The following ARL10 variants were observed in gnomAD, a reference collection of about 807,000 sequenced individuals.
ARL10 encodes the protein ADP-ribosylation factor-like protein 10.
A neutral mutation model predicts 26.1 loss-of-function variants in ARL10; 23 were observed. That is an observed-to-expected ratio of 0.88 (90% CI 0.63 to 1.25). The LOEUF is 1.25. Among genes scored for constraint, ARL10 ranks in the 50% most tolerant of loss-of-function variants. The pLI, the probability that ARL10 is intolerant of heterozygous loss-of-function variation, is 0.00. For missense variants in ARL10, 300 were observed against 323.6 expected (o/e 0.93, Z 0.56); for synonymous variants, 138 against 149.1 (o/e 0.93, Z 0.54).
chr5:176,366,771 G>C (rs1283126527), intron 2 of ARL10, among the ~76,000 whole-genome samples, 190 bp downstream of exon 2: 1 of 152,080 alleles, frequency 6.6e-6, no homozygotes, highest in Non-Finnish European at 1.5e-5. Flanking sequence ...CTTCGTGATC[G>C]GGCCTCTCCA....
At position 176,395,997 on chromosome 5, in the gene ARL10, C is replaced by T. The variant is rs141512370; in HGVS notation, c.134-5744C>T. ...TAAAAATACAAAAGTTAGCCGGGCA[C>T]GGTTGCATGTGCCTATAATCTCAGC... On this transcript the variant is annotated intron_variant, in intron 1 of 1. Coordinates refer to the ARL10 transcript ENST00000514533. Among the ~76,000 whole-genome samples the T allele has an allele frequency of 6.0e-3, 911 of 152,108 alleles. 12 individuals carry two copies. The highest frequency in any genetic ancestry group is 0.02 in the African/African-American group (827 of 41,466).
Position 176,368,134 on chromosome 5 carries a change from C to A in ARL10, c.386-673C>A. 2 of 462,014 alleles carry A rather than the reference C, an allele frequency of 4.3e-6. No individual in the cohort carries two copies. Among genetic ancestry groups the A allele is most frequent in the South Asian group, 1.6e-5 (1 of 63,312 alleles). 28.6% of individuals were successfully genotyped at this position (462,014 alleles called of 1,614,324 possible). On this transcript the variant is annotated intron_variant, in intron 2 of 3. Transcript: ENST00000310389. This position sits in a 1 kb window ranked among gnomAD's most constrained non-coding sequence, Gnocchi z 4.1. ...CTAGGGTGCGGGGTGACCAATGGGA[C>A]TGTGCAGAGGAGCAGAGAGGAAAAG...
At position 176,388,299 on chromosome 5, in the gene ARL10, T is replaced by C. The variant is rs201019782; in HGVS notation, c.41T>C (p.Leu14Pro). The change falls in exon 2 of 2, where the codon CTG (leucine) becomes CCG (proline). Residue 14 changes from leucine to proline, a missense_variant. Leu to Pro is a moderately conservative substitution (Grantham distance 98). Transcript: ENST00000503175. ...AGCCAACCCCATCTCGGCCAGGTTC[T>C]GCCGTACCGATTTAGCGTGGTCCCA... The C allele has an allele frequency of 5.9e-4, 959 of 1,614,202 alleles. 1 individual carries two copies. Among genetic ancestry groups the C allele is most frequent in the South Asian group, 1.1e-3 (96 of 91,088 alleles).
chr5:176,390,565 G>C (rs1310546375), downstream of ARL10, among the ~76,000 whole-genome samples: 1 of 152,198 alleles, frequency 6.6e-6, no homozygotes, highest in Admixed American at 6.5e-5. Context: ...GAGTAGCTGG[G>C]ATTACAGGTG....
At chr5:176,410,306 G>A in the ARL10 span, 1 of 1,613,494 alleles carries the variant, frequency 6.2e-7, no homozygotes, top group South Asian at 1.1e-5. Context: ...AGAACCAGCT[G>A]GAAAGAGAAC....
Position 176,373,316 on chromosome 5 carries a change from C to G in ARL10, c.*1421C>G. The G allele has an allele frequency of 2.9e-6, 1 of 341,250 alleles. No homozygotes were observed. The allele number at this position is 341,250 out of a possible 1,614,324, so 21.1% of individuals were successfully genotyped here. Reference sequence around the variant, plus strand: ...CATTCCATAGTTCTCCAGTGCTTGGCGATCAGCCCAATTGAAGGACTGGCT... The same window carrying G: ...CATTCCATAGTTCTCCAGTGCTTGGGGATCAGCCCAATTGAAGGACTGGCT... On this transcript the variant is annotated 3_prime_UTR_variant, in exon 4 of 4. Coordinates refer to ENST00000310389, the MANE Select transcript of ARL10 (RefSeq NM_173664.6).
chr5:176,371,587 GGGGATA>G, intron 3 of ARL10, 129 bp from the exon 4 acceptor site: 1 of 592,552 alleles, frequency 1.7e-6, no homozygotes, highest in Non-Finnish European at 3.0e-6. Flanking sequence ...TGATATTCCC[GGGGATA>G]GCCTAAGAAC....
downstream of ARL10, among the ~76,000 whole-genome samples, chr5:176,392,109 G>A (rs140322953): frequency 1.8e-4 from 27 of 152,312 alleles, no homozygotes; most frequent in African/African-American, 6.0e-4. The surrounding 1 kb of genome is among the most constrained non-coding windows in gnomAD (Gnocchi z 5.2). Context: ...CCCTAAGGAG[G>A]GGAGTCTCAT....
chr5:176,386,477 G>A (rs540208656), downstream of ARL10: 176 of 357,342 alleles, frequency 4.9e-4, no homozygotes, highest in Middle Eastern at 3.0e-3. Flanking sequence ...ACATAAAATC[G>A]ATTTTGTCAT....
At position 176,372,050 on chromosome 5, in the gene ARL10, A is replaced by G. The variant is rs925981122; in HGVS notation, c.*155A>G. On this transcript the variant is annotated 3_prime_UTR_variant, in exon 4 of 4. Coordinates refer to ENST00000310389, the MANE Select transcript of ARL10 (RefSeq NM_173664.6). ...GAGCAGGGCCTGGGCAAGGCCAAGA[A>G]CCATGCAGAAGCCTTCCTGGTGAGG... The G allele has an allele frequency of 1.4e-6, 2 of 1,441,530 alleles. No individual in the cohort carries two copies. The highest frequency in any genetic ancestry group is 5.0e-5 in the East Asian group (2 of 39,988). 89.3% of individuals were successfully genotyped at this position (1,441,530 alleles called of 1,614,324 possible). A position where few individuals can be genotyped will look rare whatever the true frequency, so the allele number is the denominator to read the frequency against.
chr5:176,414,615 G>GT, the ARL10 span, among the ~76,000 whole-genome samples: 1 of 151,956 alleles, frequency 6.6e-6, no homozygotes, highest in Non-Finnish European at 1.5e-5. Context: ...GCTAATTTTT[G>GT]TATGTTTTGT....
the ARL10 span, among the ~76,000 whole-genome samples, chr5:176,407,784 A>G: frequency 3.3e-5 from 5 of 152,310 alleles, no homozygotes; most frequent in East Asian, 9.6e-4. Flanking sequence ...CTCGGGCCCA[A>G]CTAGACATGA....
chr5:176,396,685 G>A (rs1313477986), intron 1 of ARL10, among the ~76,000 whole-genome samples: 1 of 152,090 alleles, frequency 6.6e-6, no homozygotes, highest in Non-Finnish European at 1.5e-5. Flanking sequence ...GCTCAGCAAC[G>A]ACCCACAGCC....
Position 176,368,629 on chromosome 5 carries a change from G to C in ARL10, c.386-178G>C, listed in dbSNP as rs575433632. On this transcript the variant is annotated intron_variant, in intron 2 of 3. Transcript: ENST00000310389. This position sits in a 1 kb window ranked among gnomAD's most constrained non-coding sequence, Gnocchi z 4.1. ...AAACTGCGGTCTTTTCCTTGCCCCC[G>C]GCTGGTGGAAGCTCACTAAGCTAGA... 6.6e-6 allele frequency among the ~76,000 whole-genome samples: 1 copy of C among 151,456 alleles called. No individual in the cohort carries two copies. Among genetic ancestry groups the C allele is most frequent in the Non-Finnish European group, 1.5e-5 (1 of 67,920 alleles).
downstream of ARL10, among the ~76,000 whole-genome samples, chr5:176,390,036 G>C (rs1013287006): frequency 6.6e-6 from 1 of 151,986 alleles, no homozygotes; most frequent in Non-Finnish European, 1.5e-5. Flanking sequence ...TACAAAATTA[G>C]CTGGGCGTGG....
In ARL10 at chr5:176,388,333, G is replaced by C. The variant is rs35906642; in HGVS notation, c.75G>C (p.Ser25=). 3.1e-6 allele frequency: 5 copies of C among 1,614,138 alleles called. No individual in the cohort carries two copies. Among genetic ancestry groups the C allele is most frequent in the Non-Finnish European group, 2.5e-6 (3 of 1,179,992 alleles). ...GATTTAGCGTGGTCCCAGGCATGTC[G>C]GATGTGGGAGCTACCGGCAAAGAGA... The change falls in exon 2 of 2, where the codon TCG becomes TCC. Residue 25 remains serine, a synonymous_variant. Coordinates refer to the ARL10 transcript ENST00000503175.
At chr5:176,392,615 C>T (rs572058631), downstream of ARL10, 96 of 734,988 alleles carry the variant, frequency 1.3e-4, 1 homozygote, top group Admixed American at 8.6e-4. The surrounding 1 kb of genome is among the most constrained non-coding windows in gnomAD (Gnocchi z 5.2). Context: ...GGGAGCGAGG[C>T]GTGATGGGGT....
chr5:176,383,264 C>T (rs996819279), downstream of ARL10, among the ~76,000 whole-genome samples: 1 of 152,206 alleles, frequency 6.6e-6, no homozygotes, highest in African/African-American at 2.4e-5. Flanking sequence ...CGACAAGAGA[C>T]AGCTGATAGG....
intron 3 of ARL10, among the ~76,000 whole-genome samples, chr5:176,371,048 C>T (rs923472123): frequency 1.3e-5 from 2 of 152,150 alleles, no homozygotes; most frequent in Admixed American, 1.3e-4. Flanking sequence ...GAAGTATATA[C>T]GGGCCTATCT....
Sources: gnomAD v4.1 joint callset for allele counts (sites outside exome capture counted in the v4.1 genomes callset) on GRCh38, gnomAD v4.1.1 for gene constraint, Gnocchi (gnomAD v3.1) non-coding constraint, MANE v1.5 for transcripts, NCBI Gene and HGNC (gene_info 2026-07-23, HGNC 2026-07-21) for gene names.